CTDP1: variants seen among roughly 807,000 people sequenced by gnomAD.
The protein encoded by CTDP1 is CTD phosphatase 1, also known as RNA polymerase II subunit A C-terminal domain phosphatase.
CTDP1 carries 47 observed loss-of-function variants against 91.8 expected under a neutral mutation model. The observed-to-expected ratio is 0.51, with a 90% CI of 0.41 to 0.65. The LOEUF is 0.65. CTDP1 is among the 30% of genes least tolerant of loss of function. The pLI is 0.00. For synonymous variants in CTDP1, 656 were observed against 598.5 expected, an observed-to-expected ratio of 1.10 and a Z score of -1.40; for missense variants, 1,272 against 1,373.7, an observed-to-expected ratio of 0.93 and a Z score of 1.17.
At chr18:79,726,441 C>T (rs2086444699) in intron 10 of CTDP1, among the ~76,000 whole-genome samples, 1 of 152,150 alleles carries the variant, frequency 6.6e-6, no homozygotes, top group Non-Finnish European at 1.5e-5. Flanking sequence ...TGAATTTTAG[C>T]ATCTCTGCCC....
intron 4 of CTDP1, chr18:79,702,909 A>C (rs1428415312): frequency 6.6e-6 from 1 of 152,428 alleles, no homozygotes; most frequent in Admixed American, 6.6e-5. Context: ...CAGTGTCCTG[A>C]TGTAGTGGGG....
At chr18:79,726,589 C>T (rs1420999777) in intron 10 of CTDP1, among the ~76,000 whole-genome samples, 5 of 119,168 alleles carry the variant, frequency 4.2e-5, no homozygotes, top group Non-Finnish European at 7.3e-5. Flanking sequence ...TTTAAACCTT[C>T]TCCCATCACT....
Position 79,739,830 on chromosome 18 carries a change from A to G in CTDP1, c.2747+3309A>G, listed in dbSNP as rs867437450. 3.6e-3 allele frequency among the ~76,000 whole-genome samples: 431 copies of G among 119,220 alleles called. 4 individuals carry two copies. The highest frequency in any genetic ancestry group is 0.013 in the Middle Eastern group (3 of 232). 78.2% of individuals were successfully genotyped at this position (119,220 alleles called of 152,430 possible). Reference sequence around the variant, plus strand: ...CGGGACGGGTGGGACTCTCATACCCACGGCCGGGACGGGTGGGACTCTCAT... The same window carrying G: ...CGGGACGGGTGGGACTCTCATACCCGCGGCCGGGACGGGTGGGACTCTCAT... On this transcript the variant is annotated intron_variant, in intron 12 of 12. Transcript: ENST00000613122.
chr18:79,688,556 C>T (rs3859318), intron 1 of CTDP1, among the ~76,000 whole-genome samples: 18,007 of 151,996 alleles, frequency 0.12, 1,449 homozygotes, highest in Non-Finnish European at 0.18. Context: ...TGAGCCACCG[C>T]GCCCAACTAA....
chr18:79,733,212 C>CG (rs1189619607), intron 11 of CTDP1, among the ~76,000 whole-genome samples: 2 of 151,692 alleles, frequency 1.3e-5, no homozygotes, highest in Non-Finnish European at 1.5e-5. Context: ...CCTCACGCTG[C>CG]GGCCTCAGCA....
chr18:79,754,001 G>A lies in CTDP1; in HGVS notation c.*211G>A. 1.4e-6 allele frequency: 1 copy of A among 693,414 alleles called. No homozygotes were observed. The highest frequency in any genetic ancestry group is 2.4e-6 in the Non-Finnish European group (1 of 424,306). 43.0% of individuals were successfully genotyped at this position (693,414 alleles called of 1,614,324 possible). On this transcript the variant is annotated 3_prime_UTR_variant, in exon 13 of 13. Coordinates refer to ENST00000613122, the MANE Select transcript of CTDP1 (RefSeq NM_004715.5). ...ATGTCTACTTTTGTAAGTGACAGGT[G>A]TTAAAGGCCCAGGTGTGCTGTGCCA...
At chr18:79,679,096 G>C (rs1345407139), upstream of CTDP1, 1 of 285,110 alleles carries the variant, frequency 3.5e-6, no homozygotes, top group African/African-American at 2.4e-5. Context: ...CTGAGACCAC[G>C]CGCCGGTGCC....
chr18:79,730,968 G>T (rs1239563222), intron 11 of CTDP1, among the ~76,000 whole-genome samples: 3 of 152,244 alleles, frequency 2.0e-5, no homozygotes, highest in African/African-American at 7.2e-5. Context: ...TGGCCTGACA[G>T]CCTCGTCTCA....
At chr18:79,693,906 A>ATGCAGGC (rs557025798) in intron 1 of CTDP1, among the ~76,000 whole-genome samples, 1,717 of 146,700 alleles carry the variant, frequency 0.012, 17 homozygotes, top group Admixed American at 0.02. Flanking sequence ...CCCCTGCAGG[A>ATGCAGGC]TGCAGGCTGC....
chr18:79,698,636 G>C (rs998113931), intron 4 of CTDP1, among the ~76,000 whole-genome samples: 3 of 152,124 alleles, frequency 2.0e-5, no homozygotes, highest in Admixed American at 2.0e-4. Context: ...GGCTTGTGTC[G>C]GCCTAGACGG....
intron 1 of CTDP1, among the ~76,000 whole-genome samples, chr18:79,688,123 G>T (rs964553328): frequency 6.6e-6 from 1 of 152,250 alleles, no homozygotes; most frequent in Non-Finnish European, 1.5e-5. Context: ...CTCCAGGATG[G>T]CTGCGTCTGG....
chr18:79,705,018 G>A, intron 5 of CTDP1, 101 bp downstream of exon 5: 1 of 1,550,832 alleles, frequency 6.4e-7, no homozygotes, highest in African/African-American at 1.4e-5. Flanking sequence ...AAGCTCTCCT[G>A]CAACTCAGTT....
At chr18:79,753,082 G>C (rs1024966265) in intron 12 of CTDP1, among the ~76,000 whole-genome samples, 12 of 145,036 alleles carry the variant, frequency 8.3e-5, no homozygotes, top group Non-Finnish European at 1.5e-4. Context: ...TAGTGGCACC[G>C]GCTGGTTATG....
At chr18:79,698,771 TA>T (rs767834393) in intron 4 of CTDP1, among the ~76,000 whole-genome samples, 92 of 151,234 alleles carry the variant, frequency 6.1e-4, no homozygotes, top group Admixed American at 9.2e-4. Flanking sequence ...TTACCAGTTC[TA>T]AAGGTTCCTG....
At chr18:79,685,893 G>C (rs1315269692) in intron 1 of CTDP1, among the ~76,000 whole-genome samples, 1 of 152,128 alleles carries the variant, frequency 6.6e-6, no homozygotes, top group Non-Finnish European at 1.5e-5. Context: ...TAATTATTTA[G>C]AATACTTTTA....
intron 10 of CTDP1, among the ~76,000 whole-genome samples, chr18:79,723,280 G>T (rs187156998): frequency 6.6e-6 from 1 of 152,044 alleles, no homozygotes; most frequent in South Asian, 2.1e-4. Context: ...AGTGGGTCCC[G>T]TGCCTGAGTG....
At chr18:79,680,340 C>T in intron 1 of CTDP1, 79 bp downstream of exon 1, 1 of 1,161,138 alleles carries the variant, frequency 8.6e-7, no homozygotes, top group Non-Finnish European at 1.1e-6. Context: ...GCTGCTGCGT[C>T]CGCGGTGGGC....
chr18:79,691,070 C>T (rs1468359683), intron 1 of CTDP1, among the ~76,000 whole-genome samples: 1 of 152,204 alleles, frequency 6.6e-6, no homozygotes, highest in Non-Finnish European at 1.5e-5. Context: ...TCCTACTCGT[C>T]TGTCAAGACC....
chr18:79,686,891 C>T (rs1353647816), intron 1 of CTDP1, among the ~76,000 whole-genome samples: 5 of 148,740 alleles, frequency 3.4e-5, no homozygotes, highest in Admixed American at 1.3e-4. Flanking sequence ...CAGTTGGCTT[C>T]GCCAGTTCAC....
Sources: allele counts gnomAD v4.1 joint callset (sites outside exome capture counted in the v4.1 genomes callset), GRCh38; gene constraint gnomAD v4.1.1; transcripts MANE v1.5; gene names NCBI Gene and HGNC (gene_info 2026-07-23, HGNC 2026-07-21).